Variants in RALY observed in about 807,000 individuals in gnomAD.
The protein encoded by RALY is RALY heterogeneous nuclear ribonucleoprotein.
A neutral mutation model predicts 30.7 loss-of-function variants in RALY; 15 were observed. That is an observed-to-expected ratio of 0.49 (90% CI 0.33 to 0.75). RALY has a LOEUF of 0.75. Among genes scored for constraint, RALY ranks in the 30% least tolerant of loss-of-function variants. RALY has a pLI of 0.02. For synonymous variants in RALY, 177 were observed against 170.8 expected (o/e 1.04, Z -0.28); for missense variants, 339 against 414.3 (o/e 0.82, Z 1.58).
intron 2 of RALY, among the ~76,000 whole-genome samples, chr20:34,038,321 G>T (rs976995563): frequency 6.6e-6 from 1 of 152,156 alleles, no homozygotes; most frequent in Non-Finnish European, 1.5e-5. Flanking sequence ...ACATGGCCAA[G>T]AGAGCAAAAT....
rs904808281 is a variant in RALY at position 34,051,598 on chromosome 20, C to CT, written c.-10+20003dup. Among the ~76,000 whole-genome samples the CT allele has an allele frequency of 3.3e-4, 50 of 151,444 alleles. No homozygotes were observed. The Middle Eastern group carries it at 0.014, about 41-fold the overall frequency. ...CACTCTGAGTCTTTGAAATTTGATA[C>CT]TTTTTTTTTGTTTTTGAGACAGAGT... On this transcript the variant is annotated intron_variant, in intron 2 of 9. Transcript: ENST00000246194.
intron 2 of RALY, among the ~76,000 whole-genome samples, chr20:34,061,793 G>A (rs2033425135): frequency 6.6e-6 from 1 of 152,216 alleles, no homozygotes; most frequent in Non-Finnish European, 1.5e-5. Context: ...CTTGCCAGAG[G>A]TCAAAGGTGT....
At chr20:34,000,428 C>T (rs1446618625) in intron 1 of RALY, among the ~76,000 whole-genome samples, 2 of 152,308 alleles carry the variant, frequency 1.3e-5, no homozygotes, top group East Asian at 3.9e-4. Context: ...CTTCTCCCCT[C>T]TCTTCGAACG....
chr20:34,032,454 A>AT (rs1028506005), intron 2 of RALY, among the ~76,000 whole-genome samples: 31 of 152,164 alleles, frequency 2.0e-4, no homozygotes, highest in Non-Finnish European at 1.0e-4. Context: ...AAATCAACGC[A>AT]TTAAGAACTT....
intron 2 of RALY, among the ~76,000 whole-genome samples, chr20:34,071,390 G>A (rs1175781946): frequency 1.3e-5 from 2 of 151,636 alleles, no homozygotes; most frequent in East Asian, 3.9e-4. Flanking sequence ...CAATTTTCCT[G>A]CCTCAGCCTC....
intron 1 of RALY, among the ~76,000 whole-genome samples, chr20:33,998,392 T>G (rs2030741829): frequency 1.3e-5 from 2 of 152,204 alleles, no homozygotes; most frequent in South Asian, 4.1e-4. Context: ...GAGATAAGAC[T>G]GTTCTAGGTA....
At chr20:34,072,715 G>A (rs532283663) in intron 3 of RALY, among the ~76,000 whole-genome samples, 23 of 152,192 alleles carry the variant, frequency 1.5e-4, no homozygotes, top group Non-Finnish European at 2.4e-4. Context: ...AGGACAGTGT[G>A]AATACGCTTG....
intron 2 of RALY, among the ~76,000 whole-genome samples, chr20:34,042,853 CAA>C (rs2032751127): frequency 6.6e-6 from 1 of 152,168 alleles, no homozygotes; most frequent in South Asian, 2.1e-4. Context: ...TGAAGAATAA[CAA>C]AATTCCATTT....
intron 2 of RALY, among the ~76,000 whole-genome samples, chr20:34,038,871 C>G (rs1224078046): frequency 6.6e-6 from 1 of 152,206 alleles, no homozygotes; most frequent in Non-Finnish European, 1.5e-5. Flanking sequence ...GGCGTTCAAT[C>G]ACTAGTGATT....
At chr20:34,072,709 C>T (rs1413249370) in intron 3 of RALY, among the ~76,000 whole-genome samples, 1 of 152,196 alleles carries the variant, frequency 6.6e-6, no homozygotes, top group Non-Finnish European at 1.5e-5. Context: ...AGCACAAGGA[C>T]AGTGTGAATA....
At chr20:34,034,861 C>T (rs1053022461) in intron 2 of RALY, among the ~76,000 whole-genome samples, 2 of 152,034 alleles carry the variant, frequency 1.3e-5, no homozygotes, top group Non-Finnish European at 2.9e-5. Flanking sequence ...GAAGTTAAAA[C>T]AACAGTCTGG....
At position 34,077,128 on chromosome 20, in the gene RALY, C is replaced by T; in HGVS notation, c.759C>T (p.Ser253=). ...GTGGTGGCGGTGGCGGTGGCAGCAG[C>T]CGGCCACCAGCCCCCCAAGAGAACA... ...GSGGGGGGGS[S]RPPAPQENTT... Residue 253 remains serine (S), a synonymous_variant, in exon 8 of 10, where the codon AGC becomes AGT. Transcript: ENST00000246194. 6.2e-7 allele frequency: 1 copy of T among 1,609,152 alleles called. No individual in the cohort carries two copies. The highest frequency in any genetic ancestry group is 1.1e-5 in the South Asian group (1 of 90,796).
chr20:34,073,656 G>C, intron 4 of RALY, 21 bp downstream of exon 4: 1 of 1,565,914 alleles, frequency 6.4e-7, no homozygotes, highest in Non-Finnish European at 8.8e-7. Flanking sequence ...CTGACTGTCT[G>C]TCTGTCTGGT....
At chr20:34,069,915 C>CT (rs2033678906) in intron 2 of RALY, among the ~76,000 whole-genome samples, 2 of 152,168 alleles carry the variant, frequency 1.3e-5, no homozygotes, top group African/African-American at 2.4e-5. Flanking sequence ...AGATAATGCA[C>CT]TGCTGACTCT....
intron 2 of RALY, among the ~76,000 whole-genome samples, chr20:34,054,944 G>A (rs1472388450): frequency 3.3e-5 from 5 of 152,170 alleles, no homozygotes; most frequent in African/African-American, 1.2e-4. Context: ...GGGGGCAATA[G>A]TAATACCATT....
At chr20:34,009,930 C>G (rs1004718737) in intron 1 of RALY, among the ~76,000 whole-genome samples, 7 of 152,156 alleles carry the variant, frequency 4.6e-5, no homozygotes, top group Non-Finnish European at 1.0e-4. Context: ...AGAAGGAACT[C>G]TAATATTGAA....
intron 2 of RALY, among the ~76,000 whole-genome samples, chr20:34,063,791 CTT>C (rs1477724949): frequency 6.6e-6 from 1 of 152,164 alleles, no homozygotes; most frequent in Non-Finnish European, 1.5e-5. Flanking sequence ...TGCCAGGCCT[CTT>C]CTGGTGTCAC....
intron 2 of RALY, among the ~76,000 whole-genome samples, chr20:34,036,909 C>T (rs533857488): frequency 6.6e-6 from 1 of 151,710 alleles, no homozygotes; most frequent in Non-Finnish European, 1.5e-5. Flanking sequence ...CATTGTTTTT[C>T]TTTTCCATTG....
intron 2 of RALY, among the ~76,000 whole-genome samples, chr20:34,047,361 G>A (rs543571830): frequency 6.6e-6 from 1 of 152,306 alleles, no homozygotes; most frequent in Non-Finnish European, 1.5e-5. Context: ...GGTTTCTGGG[G>A]TAGGAGCAGG....
Sources: allele counts gnomAD v4.1 joint callset (sites outside exome capture counted in the v4.1 genomes callset), GRCh38; gene constraint gnomAD v4.1.1; transcripts MANE v1.5; gene names NCBI Gene and HGNC (gene_info 2026-07-23, HGNC 2026-07-21).